GRXCR2: variants seen among roughly 807,000 people sequenced by gnomAD.
The protein encoded by GRXCR2 is glutaredoxin and cysteine rich domain containing 2.
GRXCR2 carries 23 observed loss-of-function variants against 24.8 expected under a neutral mutation model. That is an observed-to-expected ratio of 0.93 (90% CI 0.67 to 1.32). The LOEUF (loss-of-function observed/expected upper bound fraction) is 1.32. GRXCR2 is among the 40% of genes most tolerant of loss of function. GRXCR2 has a pLI of 0.00. For synonymous variants in GRXCR2, 130 were observed against 116.1 expected (o/e 1.12, Z -0.77); for missense variants, 315 against 303.4 (o/e 1.04, Z -0.28).
chr5:145,894,333 T>C (rs1007097501), intron 2 of GRXCR2, among the ~76,000 whole-genome samples: 3 of 152,086 alleles, frequency 2.0e-5, no homozygotes, highest in Non-Finnish European at 4.4e-5. Context: ...AAAAAATCAA[T>C]GAATCCAGGA....
intron 2 of GRXCR2, among the ~76,000 whole-genome samples, chr5:145,921,202 A>C (rs983048815): frequency 5.3e-5 from 8 of 152,240 alleles, no homozygotes; most frequent in Non-Finnish European, 1.0e-4. Context: ...AGTAAGTTGC[A>C]GGGAAGTATT....
intron 2 of GRXCR2, among the ~76,000 whole-genome samples, chr5:145,924,025 C>G (rs1380841684): frequency 6.6e-6 from 1 of 151,918 alleles, no homozygotes; most frequent in Non-Finnish European, 1.5e-5. Context: ...TGCCAAAATG[C>G]TGAAGTTAGT....
intron 2 of GRXCR2, among the ~76,000 whole-genome samples, chr5:145,889,198 AAGAAAG>A (rs1486345595): frequency 6.7e-6 from 1 of 148,632 alleles, no homozygotes; most frequent in Non-Finnish European, 1.5e-5. Flanking sequence ...GAAAGAAAGA[AAGAAAG>A]AAAGAAAGAA....
chr5:145,920,602 T>G (rs1166110189), intron 2 of GRXCR2, among the ~76,000 whole-genome samples: 1 of 152,146 alleles, frequency 6.6e-6, no homozygotes, highest in Non-Finnish European at 1.5e-5. Context: ...CCAAACATGT[T>G]TCCTTACTGA....
chr5:145,866,485 A>T lies in GRXCR2; in HGVS notation c.564+16T>A, dbSNP rs754911421. 5 of 1,595,854 alleles carry T rather than the reference A, an allele frequency of 3.1e-6. No individual in the cohort carries two copies. Among genetic ancestry groups the T allele is most frequent in the Non-Finnish European group, 4.3e-6 (5 of 1,164,016 alleles). ...AGGGCCAGCTCCGAGCAGGACAGTC[A>T]AGCTCCCCAACGCACCTGTGTATAC... On this transcript the variant is annotated intron_variant, in intron 2 of 2. Transcript: ENST00000377976.
chr5:145,886,103 TAGTCTC>T (rs1454289288), intron 2 of GRXCR2, among the ~76,000 whole-genome samples: 1 of 152,224 alleles, frequency 6.6e-6, no homozygotes, highest in African/African-American at 2.4e-5. Flanking sequence ...TGATTTTAAC[TAGTCTC>T]ATCATATTCT....
rs145196115 is a variant in GRXCR2, at chr5:145,858,949, A to T, written c.*784T>A. 2.8e-3 allele frequency: 430 copies of T among 152,268 alleles called. 1 individual carries two copies. The highest frequency in any genetic ancestry group is 9.9e-3 in the African/African-American group (413 of 41,552). 9.4% of individuals were successfully genotyped at this position (152,268 alleles called of 1,614,324 possible). A position where few individuals can be genotyped will look rare whatever the true frequency, so the allele number is the denominator to read the frequency against. Reference sequence around the variant, plus strand: ...TGGCTAGGTTCTAGACTTAAAGTGGATTTATTTATTTGGTAGTAATTCAGG... The same window carrying T: ...TGGCTAGGTTCTAGACTTAAAGTGGTTTTATTTATTTGGTAGTAATTCAGG... On this transcript the variant is annotated 3_prime_UTR_variant, in exon 3 of 3. Transcript: ENST00000377976.
intron 2 of GRXCR2, among the ~76,000 whole-genome samples, chr5:145,881,620 C>T (rs1756702483): frequency 6.6e-6 from 1 of 152,044 alleles, no homozygotes; most frequent in South Asian, 2.1e-4. Flanking sequence ...TTTATAGATT[C>T]AATGCCATCC....
chr5:145,883,752 T>C (rs988519400), intron 2 of GRXCR2, among the ~76,000 whole-genome samples: 3 of 152,040 alleles, frequency 2.0e-5, no homozygotes, highest in African/African-American at 7.2e-5. Context: ...AATTAGCCTA[T>C]CATGCCTGTA....
intron 2 of GRXCR2, among the ~76,000 whole-genome samples, chr5:145,889,232 G>GAAAGAAA (rs1554105357): frequency 1.3e-5 from 2 of 148,610 alleles, no homozygotes; most frequent in East Asian, 4.0e-4. Context: ...AAGAAAGAAA[G>GAAAGAAA]AAAGAAAGAA....
At chr5:145,882,614 C>T (rs1167030269) in intron 2 of GRXCR2, among the ~76,000 whole-genome samples, 14 of 152,024 alleles carry the variant, frequency 9.2e-5, no homozygotes, top group South Asian at 6.2e-4. Context: ...GACAGTGTGG[C>T]GATTCCTCAA....
At chr5:145,889,666 C>G (rs1756833720) in intron 2 of GRXCR2, among the ~76,000 whole-genome samples, 1 of 152,174 alleles carries the variant, frequency 6.6e-6, no homozygotes, top group Non-Finnish European at 1.5e-5. Context: ...CATGAAAAAT[C>G]TGAATGTGGC....
chr5:145,920,629 C>T (rs1213625420), intron 2 of GRXCR2, among the ~76,000 whole-genome samples: 2 of 151,922 alleles, frequency 1.3e-5, no homozygotes, highest in African/African-American at 4.8e-5. Context: ...CCAAGCATGA[C>T]AGAGGGTGGG....
At chr5:145,912,227 C>T (rs1047675859) in intron 2 of GRXCR2, among the ~76,000 whole-genome samples, 3 of 152,168 alleles carry the variant, frequency 2.0e-5, no homozygotes, top group African/African-American at 7.2e-5. Context: ...TTTCACCCCA[C>T]AGAGCCCAGA....
intron 2 of GRXCR2, among the ~76,000 whole-genome samples, chr5:145,915,554 G>A (rs929658213): frequency 2.0e-5 from 3 of 152,124 alleles, no homozygotes; most frequent in Non-Finnish European, 4.4e-5. Context: ...GGAGGCCGAG[G>A]TGGGTGGATC....
chr5:145,873,038 G>T, upstream of GRXCR2: 1 of 1,306,934 alleles, frequency 7.7e-7, no homozygotes, highest in Non-Finnish European at 1.1e-6. Context: ...CTGAGAAAAA[G>T]GCATTTTATT....
chr5:145,912,927 G>T (rs1275049993), intron 2 of GRXCR2, among the ~76,000 whole-genome samples: 5 of 152,216 alleles, frequency 3.3e-5, no homozygotes, highest in Non-Finnish European at 7.3e-5. Flanking sequence ...CCATTGAAAG[G>T]TTTTAAGGAG....
chr5:145,915,733 CAAAA>C (rs146457357), intron 2 of GRXCR2, among the ~76,000 whole-genome samples: 1 of 135,208 alleles, frequency 7.4e-6, no homozygotes, highest in Non-Finnish European at 1.6e-5. Flanking sequence ...CACTTCATCT[CAAAA>C]AAAAAAAAAG....
chr5:145,879,224 C>A (rs2149914712), intron 2 of GRXCR2, among the ~76,000 whole-genome samples: 1 of 152,120 alleles, frequency 6.6e-6, no homozygotes, highest in South Asian at 2.1e-4. Flanking sequence ...AGGCTAAATG[C>A]TCAAATTAAA....
Sources: gnomAD v4.1 joint callset for allele counts (sites outside exome capture counted in the v4.1 genomes callset) on GRCh38, gnomAD v4.1.1 for gene constraint, MANE v1.5 for transcripts, NCBI Gene and HGNC (gene_info 2026-07-23, HGNC 2026-07-21) for gene names.